CDH12: variants seen among roughly 807,000 people sequenced by gnomAD.
CDH12 encodes the protein cadherin 12, also known as cadherin-12.
Under a neutral mutation model 74.1 loss-of-function variants are expected in CDH12, and 41 were observed. The observed-to-expected ratio is 0.55, with a 90% CI of 0.43 to 0.72. The LOEUF (loss-of-function observed/expected upper bound fraction) is 0.72. Ranked by LOEUF, CDH12 falls within the 30% of genes least tolerant of loss-of-function variation. CDH12 has a pLI of 0.00. For synonymous variants in CDH12, 399 were observed against 355.0 expected (o/e 1.12, Z -1.39); for missense variants, 945 against 977.2 (o/e 0.97, Z 0.44).
rs199997631 is a variant in CDH12, at chr5:22,507,410, ATAG to A, written c.-522-2049_-522-2047del. Among the ~76,000 whole-genome samples the A allele has an allele frequency of 4.6e-3, 696 of 152,246 alleles. 7 individuals are homozygous for A. Among genetic ancestry groups the A allele is most frequent in the African/African-American group, 0.016 (651 of 41,556 alleles). On this transcript the variant is annotated intron_variant, in intron 1 of 14. Coordinates refer to ENST00000382254, the MANE Select transcript of CDH12 (RefSeq NM_004061.5). ...TGTACATGTTAATCATTACAGCTAA[ATAG>A]TAGTCAGAATATATAAATGTTTAAC...
chr5:22,172,458 C>A (rs535124970), intron 4 of CDH12: 4 of 152,014 alleles, frequency 2.6e-5, no homozygotes, highest in Non-Finnish European at 5.9e-5. Context: ...TAAAGCCCCA[C>A]AAGAAATCAG....
chr5:22,776,421 G>A lies in CDH12; in HGVS notation c.-523+76637C>T, dbSNP rs188200841. On this transcript the variant is annotated intron_variant, in intron 1 of 14. Transcript: ENST00000382254. ...CCTTGAGGGAGCTCACAGACTTTGTGCGTGTGTGTATGTGTGTGCATGTGT... is the reference window on the plus strand; with the variant it reads ...CCTTGAGGGAGCTCACAGACTTTGTACGTGTGTGTATGTGTGTGCATGTGT... Among the ~76,000 whole-genome samples, 6 of 152,234 alleles carry A rather than the reference G, an allele frequency of 3.9e-5. No individual in the cohort carries two copies. In the East Asian group the frequency reaches 7.7e-4, roughly 20 times the overall value.
intron 1 of CDH12, among the ~76,000 whole-genome samples, chr5:22,802,987 A>C (rs947331065): frequency 6.6e-6 from 1 of 152,278 alleles, no homozygotes; most frequent in Non-Finnish European, 1.5e-5. Flanking sequence ...GTGGGCATTA[A>C]AGCCCACTTA....
At chr5:22,237,017 T>G (rs1336460119) in intron 3 of CDH12, among the ~76,000 whole-genome samples, 1 of 151,996 alleles carries the variant, frequency 6.6e-6, no homozygotes, top group Non-Finnish European at 1.5e-5. Context: ...AAGTATAGTA[T>G]AGTAAATATA....
intron 6 of CDH12, among the ~76,000 whole-genome samples, chr5:21,948,751 T>C (rs1283998328): frequency 6.6e-6 from 1 of 152,172 alleles, no homozygotes; most frequent in East Asian, 1.9e-4. Flanking sequence ...CCCACCCAAA[T>C]CTCATCTTGA....
intron 6 of CDH12, among the ~76,000 whole-genome samples, chr5:21,858,422 T>G (rs143174337): frequency 1.4e-3 from 209 of 152,032 alleles, no homozygotes; most frequent in Middle Eastern, 0.014. Context: ...CCAAATTATG[T>G]TGAAAACACT....
intron 1 of CDH12, among the ~76,000 whole-genome samples, chr5:22,707,368 T>C (rs1743066489): frequency 6.6e-6 from 1 of 152,194 alleles, no homozygotes. Context: ...ATTGAAATGA[T>C]AATTAACTTT....
intron 5 of CDH12, among the ~76,000 whole-genome samples, chr5:21,995,694 T>A (rs1202205603): frequency 6.6e-6 from 1 of 151,582 alleles, no homozygotes; most frequent in Non-Finnish European, 1.5e-5. Flanking sequence ...ATCTTCTGCT[T>A]GAAACTTTGT....
At position 22,243,663 on chromosome 5, in the gene CDH12, T is replaced by C. The variant is rs115885857; in HGVS notation, c.-332-31020A>G. On this transcript the variant is annotated intron_variant, in intron 3 of 14. Transcript: ENST00000382254. The stretch of plus-strand genomic sequence containing the variant: ...TATTAATCTCACATTTAACATCAGA[T>C]GATATTTTTGACAAATGGTAAAGTG... 7.9e-4 allele frequency among the ~76,000 whole-genome samples: 120 copies of C among 152,298 alleles called. No homozygotes were observed. In the South Asian group the frequency reaches 8.1e-3, roughly 10 times the overall value.
chr5:22,425,153 G>GTATATATATATATAAAAATATATA (rs1743853895), intron 2 of CDH12, among the ~76,000 whole-genome samples: 2 of 87,990 alleles, frequency 2.3e-5, no homozygotes, highest in Admixed American at 2.3e-4. Context: ...ATGTGTGTGT[G>GTATATATATATATAAAAATATATA]TATATATATA....
intron 1 of CDH12, among the ~76,000 whole-genome samples, chr5:22,831,351 TTGTGTGTGTGTGTGTGTGTC>T (rs1736595623): frequency 2.2e-5 from 3 of 138,540 alleles, no homozygotes; most frequent in Non-Finnish European, 3.1e-5. Flanking sequence ...GTTTTGGAGT[TTGTGTGTGTGTGTGTGTGTC>T]TGTGTGTGTG....
At chr5:22,259,060 G>A (rs1454198981) in intron 3 of CDH12, among the ~76,000 whole-genome samples, 2 of 152,048 alleles carry the variant, frequency 1.3e-5, no homozygotes, top group Admixed American at 6.6e-5. Context: ...AAATTTTAAT[G>A]TGTTTATTTG....
At chr5:22,409,645 A>G (rs1210365790) in intron 2 of CDH12, among the ~76,000 whole-genome samples, 1 of 152,136 alleles carries the variant, frequency 6.6e-6, no homozygotes, top group East Asian at 1.9e-4. Context: ...AGTTTCTTCT[A>G]TATTATAATT....
intron 1 of CDH12, among the ~76,000 whole-genome samples, chr5:22,733,241 T>C (rs1744520632): frequency 6.6e-6 from 1 of 151,912 alleles, no homozygotes; most frequent in African/African-American, 2.4e-5. Context: ...AGGATTTACT[T>C]AATTAGCTTC....
At chr5:22,465,596 C>A (rs112358907) in intron 2 of CDH12, among the ~76,000 whole-genome samples, 2,882 of 152,196 alleles carry the variant, frequency 0.019, 52 homozygotes, top group African/African-American at 0.041. Flanking sequence ...CAGTGAGCCA[C>A]GATCATGCCA....
chr5:22,342,810 T>C (rs1240528423), intron 3 of CDH12, among the ~76,000 whole-genome samples: 41 of 147,750 alleles, frequency 2.8e-4, no homozygotes. Context: ...TTCTCTTTCT[T>C]TCTCTCTTTC....
At chr5:21,915,843 TGTGTG>T (rs1754066398) in intron 6 of CDH12, among the ~76,000 whole-genome samples, 3 of 151,250 alleles carry the variant, frequency 2.0e-5, no homozygotes, top group African/African-American at 7.3e-5. Context: ...TGTGTGTGTG[TGTGTG>T]TGTGTGTGTG....
intron 6 of CDH12, among the ~76,000 whole-genome samples, chr5:21,864,439 T>G (rs1236945031): frequency 6.6e-6 from 1 of 152,160 alleles, no homozygotes; most frequent in African/African-American, 2.4e-5. Context: ...CTCTTTTGCA[T>G]GTACGTTCTC....
At chr5:21,803,884 G>A (rs1747278012) in intron 9 of CDH12, among the ~76,000 whole-genome samples, 1 of 151,994 alleles carries the variant, frequency 6.6e-6, no homozygotes, top group South Asian at 2.1e-4. Flanking sequence ...CATTTCCTCT[G>A]AGGAACAAAA....
Sources: allele counts gnomAD v4.1 joint callset (sites outside exome capture counted in the v4.1 genomes callset), GRCh38; gene constraint gnomAD v4.1.1; transcripts MANE v1.5; gene names NCBI Gene and HGNC (gene_info 2026-07-23, HGNC 2026-07-21).